The following ITGAM variants were observed in gnomAD, a reference collection of about 807,000 sequenced individuals.
ITGAM encodes the protein integrin subunit alpha M, also known as integrin alpha-M.
In ITGAM, 79 loss-of-function variants were observed where a neutral mutation model predicts 137.5. The observed-to-expected ratio is 0.57, with a 90% confidence interval of 0.48 to 0.69. The LOEUF (loss-of-function observed/expected upper bound fraction) is 0.69, where lower values mean the gene tolerates loss of function less well. Ranked by LOEUF, ITGAM falls within the 30% of genes least tolerant of loss-of-function variation. ITGAM has a pLI of 0.00. For missense variants in ITGAM, 1,343 were observed against 1,483.5 expected (o/e 0.91, Z 1.56); for synonymous variants, 583 against 592.3 (o/e 0.98, Z 0.23).
intron 14 of ITGAM, among the ~76,000 whole-genome samples, chr16:31,315,494 A>G (rs1039970330): frequency 2.0e-5 from 3 of 151,640 alleles, no homozygotes; most frequent in Non-Finnish European, 4.4e-5. Context: ...GTCTCTCTCT[A>G]TTGCCCAGGC....
intron 1 of ITGAM, among the ~76,000 whole-genome samples, chr16:31,260,539 A>G (rs971986833): frequency 6.6e-6 from 1 of 152,196 alleles, no homozygotes; most frequent in African/African-American, 2.4e-5. Flanking sequence ...GTTACCTTTT[A>G]TGCTTATATG....
Position 31,297,859 on chromosome 16 carries a change from G to T in ITGAM, c.1612G>T (p.Val538Leu). The T allele has an allele frequency of 6.2e-7, 1 of 1,614,042 alleles. No individual in the cohort carries two copies. The highest frequency in any genetic ancestry group is 8.5e-7 in the Non-Finnish European group (1 of 1,179,988). The change falls in exon 14 of 30, where the codon GTG becomes TTG. Residue 538 changes from valine to leucine, a missense_variant. Physicochemically the swap from Val to Leu is conservative, Grantham distance 32. Transcript: ENST00000544665. Reference protein sequence around the residue: ...GDVNGDKLTDVAIGAPGEEDN... With the variant: ...GDVNGDKLTDLAIGAPGEEDN... Reference sequence around the variant, plus strand: ...CGTAAATGGGGACAAGCTGACGGACGTGGCCATTGGGGCCCCAGGAGAGGA... The same window carrying T: ...CGTAAATGGGGACAAGCTGACGGACTTGGCCATTGGGGCCCCAGGAGAGGA...
chr16:31,292,926 A>AT (rs2080100965), intron 12 of ITGAM, among the ~76,000 whole-genome samples: 1 of 151,296 alleles, frequency 6.6e-6, no homozygotes, highest in Non-Finnish European at 1.5e-5. Flanking sequence ...ACCAGCATCT[A>AT]TTTTTTAACT....
intron 14 of ITGAM, among the ~76,000 whole-genome samples, chr16:31,299,057 T>A (rs905670198): frequency 6.6e-6 from 1 of 152,184 alleles, no homozygotes; most frequent in Non-Finnish European, 1.5e-5. Flanking sequence ...TTGCTAGCCT[T>A]ACATTTTTCT....
chr16:31,313,982 A>C (rs767286820), intron 14 of ITGAM, among the ~76,000 whole-genome samples: 66 of 151,952 alleles, frequency 4.3e-4, no homozygotes, highest in Middle Eastern at 3.4e-3. Context: ...ATGACCAGTG[A>C]TGAGCTTTTT....
intron 5 of ITGAM, 130 bp downstream of exon 5, chr16:31,266,277 T>C (rs1399608290): frequency 1.5e-6 from 1 of 661,204 alleles, no homozygotes; most frequent in East Asian, 2.7e-5. Flanking sequence ...CCCATTAGAG[T>C]CAGAAGCTAG....
chr16:31,304,905 T>A (rs905428717), intron 14 of ITGAM, among the ~76,000 whole-genome samples: 5 of 152,158 alleles, frequency 3.3e-5, no homozygotes, highest in African/African-American at 1.2e-4. Context: ...TGCCTCCAGA[T>A]TTGTTCTTTT....
chr16:31,304,184 TGG>T (rs2080243499), intron 14 of ITGAM, among the ~76,000 whole-genome samples: 1 of 152,210 alleles, frequency 6.6e-6, no homozygotes, highest in Non-Finnish European at 1.5e-5. Context: ...TATTTTATTG[TGG>T]TTTTAATTTG....
At chr16:31,280,774 G>A (rs1293733232) in intron 12 of ITGAM, among the ~76,000 whole-genome samples, 4 of 152,166 alleles carry the variant, frequency 2.6e-5, no homozygotes, top group Non-Finnish European at 4.4e-5. Context: ...AGTGGTGAGA[G>A]AGGGCATCTC....
intron 23 of ITGAM, 155 bp from the exon 24 acceptor site, chr16:31,329,073 T>TTGCCCCC: frequency 2.3e-6 from 1 of 426,236 alleles, no homozygotes; most frequent in Non-Finnish European, 4.5e-6. Flanking sequence ...ACACATTGGT[T>TTGCCCCC]CCCCCATCCC....
intron 5 of ITGAM, among the ~76,000 whole-genome samples, chr16:31,267,343 C>T (rs2079781089): frequency 6.6e-6 from 1 of 152,116 alleles, no homozygotes; most frequent in South Asian, 2.1e-4. Flanking sequence ...ATTTCACCCT[C>T]CACAGTTAAT....
Position 31,273,606 on chromosome 16 carries a change from T to A in ITGAM, c.858+88T>A, listed in dbSNP as rs917490212. ...CTTCAATTTGCAAATATTATTAAAA[T>A]CAAAGTGACATGAGAGCTAATGCTA... On this transcript the variant is annotated intron_variant, in intron 8 of 29. Transcript: ENST00000544665. 5 of 1,340,148 alleles carry A rather than the reference T, an allele frequency of 3.7e-6. No homozygotes were observed. The East Asian group carries it at 1.2e-4, about 31-fold the overall frequency. The allele number at this position is 1,340,148 out of a possible 1,614,324, so 83.0% of individuals were successfully genotyped here.
In ITGAM at chr16:31,298,152, A is replaced by T. The variant is rs2080157129; in HGVS notation, c.1707+198A>T. 2.7e-5 allele frequency among the ~76,000 whole-genome samples: 4 copies of T among 147,076 alleles called. No individual in the cohort carries two copies. The Admixed American group carries it at 2.8e-4, about 10-fold the overall frequency. ...GAAGGCTGAGTTGGGAGGATTGTTT[A>T]AGCCCAGGAGCTCAAGACCAGTCAG... On this transcript the variant is annotated intron_variant, in intron 14 of 29. Transcript: ENST00000544665.
At chr16:31,314,182 C>T (rs2080366222) in intron 14 of ITGAM, among the ~76,000 whole-genome samples, 1 of 152,104 alleles carries the variant, frequency 6.6e-6, no homozygotes, top group East Asian at 1.9e-4. Flanking sequence ...TGTAGGCTGC[C>T]TGTTCACTCT....
rs906091945 is a variant in ITGAM, at chr16:31,272,073, A to G, written c.704+81A>G. 96 of 1,551,340 alleles carry G rather than the reference A, an allele frequency of 6.2e-5. 4 individuals are homozygous for G. In the South Asian group the frequency reaches 1.0e-3, roughly 16 times the overall value. ...CTTTGATGGATGAAGGGAGCCGTTC[A>G]GACAGGGGTGGTAGAGGATGCTTCC... On this transcript the variant is annotated intron_variant, in intron 7 of 29. Transcript: ENST00000544665.
chr16:31,279,380 C>T (rs2079943874), intron 12 of ITGAM, among the ~76,000 whole-genome samples: 1 of 152,168 alleles, frequency 6.6e-6, no homozygotes, highest in Non-Finnish European at 1.5e-5. Flanking sequence ...CCTATTTCTC[C>T]ACATCCTCTC....
intron 14 of ITGAM, among the ~76,000 whole-genome samples, chr16:31,316,280 C>G (rs370608660): frequency 3.1e-4 from 44 of 143,392 alleles, no homozygotes; most frequent in African/African-American, 9.8e-4. Flanking sequence ...TCCAGCTACT[C>G]GGGAGGCTGA....
chr16:31,294,388 T>C (rs1457317107), intron 12 of ITGAM, among the ~76,000 whole-genome samples: 2 of 152,164 alleles, frequency 1.3e-5, no homozygotes, highest in Non-Finnish European at 2.9e-5. Flanking sequence ...ATGGCTCTTA[T>C]TATTTTGAGG....
chr16:31,329,051 T>A, intron 23 of ITGAM, 177 bp from the exon 24 acceptor site: 1 of 579,718 alleles, frequency 1.7e-6, no homozygotes, highest in Non-Finnish European at 3.2e-6. Flanking sequence ...GGGCACGCAC[T>A]GTGTGTCCAG....
Sources: gnomAD v4.1 joint callset for allele counts (sites outside exome capture counted in the v4.1 genomes callset) on GRCh38, gnomAD v4.1.1 for gene constraint, MANE v1.5 for transcripts, NCBI Gene and HGNC (gene_info 2026-07-23, HGNC 2026-07-21) for gene names.